The following ATRNL1 variants were observed in gnomAD, a reference collection of about 807,000 sequenced individuals.
ATRNL1 encodes the protein attractin-like protein 1.
ATRNL1 carries 95 observed loss-of-function variants against 182.7 expected under a neutral mutation model. The ratio of observed to expected loss-of-function variants is 0.52; its 90% CI spans 0.44 to 0.62. The LOEUF (loss-of-function observed/expected upper bound fraction) is 0.62. Ranked by LOEUF, ATRNL1 falls within the 20% of genes least tolerant of loss-of-function variation. The pLI is 0.00. For synonymous variants in ATRNL1, 576 were observed against 568.3 expected (o/e 1.01, Z -0.19); for missense variants, 1,471 against 1,679.5 (o/e 0.88, Z 2.17).
intron 28 of ATRNL1, among the ~76,000 whole-genome samples, chr10:115,849,815 G>A (rs185064054): frequency 6.6e-6 from 1 of 152,242 alleles, no homozygotes; most frequent in Admixed American, 6.5e-5. Context: ...CTTACTGCTA[G>A]CATTCCAGGT....
chr10:115,241,829 G>A, intron 10 of ATRNL1, 104 bp downstream of exon 10: 4 of 926,994 alleles, frequency 4.3e-6, no homozygotes, highest in Non-Finnish European at 6.3e-6. Flanking sequence ...TCATTTTAGA[G>A]TTAAGTGATA....
intron 19 of ATRNL1, among the ~76,000 whole-genome samples, chr10:115,355,085 T>C (rs1554942478): frequency 1.3e-5 from 2 of 151,760 alleles, no homozygotes. Context: ...AAAACAGGTG[T>C]ATTGAATTCT....
chr10:115,356,716 T>A (rs1326118340), intron 19 of ATRNL1, among the ~76,000 whole-genome samples: 7 of 152,046 alleles, frequency 4.6e-5, no homozygotes, highest in Admixed American at 1.3e-4. Flanking sequence ...AATTTTTATT[T>A]GTACAAAGTT....
chr10:115,549,658 A>C (rs1852852758), intron 26 of ATRNL1, 122 bp downstream of exon 26: 1 of 573,544 alleles, frequency 1.7e-6, no homozygotes, highest in African/African-American at 2.0e-5. Context: ...ACATACTAAT[A>C]TTCAAAAATC....
chr10:115,853,365 T>G (rs1368437564), intron 28 of ATRNL1, among the ~76,000 whole-genome samples: 1 of 152,200 alleles, frequency 6.6e-6, no homozygotes, highest in Non-Finnish European at 1.5e-5. Context: ...AGTGCCCCTA[T>G]TTTAGAATTG....
At chr10:115,376,031 ACT>A in intron 19 of ATRNL1, among the ~76,000 whole-genome samples, 1 of 151,144 alleles carries the variant, frequency 6.6e-6, no homozygotes. Context: ...GTGGTGGTGG[ACT>A]CTCTTAGCTT....
intron 26 of ATRNL1, among the ~76,000 whole-genome samples, chr10:115,668,036 TGGGA>T (rs1861102118): frequency 6.6e-6 from 1 of 152,090 alleles, no homozygotes; most frequent in African/African-American, 2.4e-5. Flanking sequence ...TGAGACTTGA[TGGGA>T]GAAGCAGCAT....
rs147330960 is a variant in ATRNL1, at chr10:115,883,850, C to T, written c.4018+35859C>T. 2.6e-5 allele frequency among the ~76,000 whole-genome samples: 4 copies of T among 152,342 alleles called. No individual in the cohort carries two copies. In the East Asian group the frequency reaches 7.7e-4, roughly 29 times the overall value. On this transcript the variant is annotated intron_variant, in intron 28 of 28. Transcript: ENST00000355044. ...GACCAGTTCAGAAATGGCCTACATTCATCAGATGCAGAGGCAGTCTTTTCA... is the reference window on the plus strand; with the variant it reads ...GACCAGTTCAGAAATGGCCTACATTTATCAGATGCAGAGGCAGTCTTTTCA...
chr10:115,266,756 T>A, intron 11 of ATRNL1, 41 bp from the exon 12 acceptor site: 1 of 1,257,690 alleles, frequency 8.0e-7, no homozygotes, highest in Non-Finnish European at 1.1e-6. Context: ...ATAGGGACTT[T>A]TAATAGCGTT....
At position 115,856,428 on chromosome 10, in the gene ATRNL1, C is replaced by CAAAAAAAAAA. The variant is rs572743389; in HGVS notation, c.4018+8450_4018+8459dup. ...GGGCAACAAGAGCGAAGCTCCATCT[C>CAAAAAAAAAA]AAAAAAAAAAAAAAAAAAAAAAGCC... On this transcript the variant is annotated intron_variant, in intron 28 of 28. Transcript: ENST00000355044. Among the ~76,000 whole-genome samples, 217 of 22,528 alleles carry CAAAAAAAAAA rather than the reference C, an allele frequency of 9.6e-3. 68 individuals are homozygous for CAAAAAAAAAA. Among genetic ancestry groups the CAAAAAAAAAA allele is most frequent in the African/African-American group, 0.023 (170 of 7,276 alleles). The allele number at this position is 22,528 out of a possible 152,430, so 14.8% of individuals were successfully genotyped here.
intron 26 of ATRNL1, among the ~76,000 whole-genome samples, chr10:115,702,830 A>G (rs1187869922): frequency 4.6e-5 from 7 of 151,998 alleles, no homozygotes; most frequent in African/African-American, 1.4e-4. Flanking sequence ...GATTGGAAGA[A>G]TCAATATCTA....
At chr10:115,345,914 C>T (rs1303073563) in intron 19 of ATRNL1, among the ~76,000 whole-genome samples, 3 of 152,152 alleles carry the variant, frequency 2.0e-5, no homozygotes, top group Admixed American at 6.5e-5. Context: ...CTCATTGTAG[C>T]AAGTACCAGT....
chr10:115,901,260 A>G, intron 28 of ATRNL1, among the ~76,000 whole-genome samples: 1 of 152,200 alleles, frequency 6.6e-6, no homozygotes, highest in East Asian at 1.9e-4. Context: ...AATAGAAGCA[A>G]ATATGTCTCA....
At chr10:115,747,499 G>A (rs72826853) in intron 27 of ATRNL1, among the ~76,000 whole-genome samples, 1 of 152,200 alleles carries the variant, frequency 6.6e-6, no homozygotes, top group Non-Finnish European at 1.5e-5. Context: ...TCAGGAGGCT[G>A]ACTTTAACCA....
intron 27 of ATRNL1, among the ~76,000 whole-genome samples, chr10:115,740,889 G>A (rs1006222142): frequency 3.3e-5 from 5 of 151,560 alleles, no homozygotes; most frequent in South Asian, 4.1e-4. Flanking sequence ...AGACTATCAA[G>A]TATGTAAAGT....
chr10:115,369,923 C>A (rs539153053), intron 19 of ATRNL1, among the ~76,000 whole-genome samples: 2 of 152,174 alleles, frequency 1.3e-5, no homozygotes, highest in African/African-American at 2.4e-5. Context: ...TGTCCCCACC[C>A]AAATCTCATC....
rs542021297 is a variant in ATRNL1, at chr10:115,668,052, C to T, written c.3796-59196C>T. On this transcript the variant is annotated intron_variant, in intron 26 of 28. Transcript: ENST00000355044. ...GAGACTTGATGGGAGAAGCAGCATG[C>T]ACCTACAAATACAGGAGGGATTGCT... is the stretch of plus-strand genomic sequence containing the variant. 1.3e-3 allele frequency among the ~76,000 whole-genome samples: 205 copies of T among 152,226 alleles called. 1 individual carries two copies. Among genetic ancestry groups the T allele is most frequent in the Non-Finnish European group, 2.5e-3 (169 of 68,014 alleles).
At chr10:115,592,087 G>T (rs1223570964) in intron 26 of ATRNL1, among the ~76,000 whole-genome samples, 12 of 152,140 alleles carry the variant, frequency 7.9e-5, no homozygotes, top group African/African-American at 2.7e-4. Flanking sequence ...ACAAATACTG[G>T]ATGGTCTCAC....
intron 8 of ATRNL1, among the ~76,000 whole-genome samples, chr10:115,205,654 T>A (rs989575878): frequency 3.9e-5 from 6 of 152,008 alleles, no homozygotes; most frequent in African/African-American, 1.4e-4. Flanking sequence ...AAGTGATTGC[T>A]CCATAAATTA....
Sources: allele counts gnomAD v4.1 joint callset (sites outside exome capture counted in the v4.1 genomes callset), GRCh38; gene constraint gnomAD v4.1.1; transcripts MANE v1.5; gene names NCBI Gene and HGNC (gene_info 2026-07-23, HGNC 2026-07-21).